Variants in ACAP2 observed in about 807,000 individuals in gnomAD.
ACAP2 encodes arf-GAP with coiled-coil, ANK repeat and PH domain-containing protein 2.
Under a neutral mutation model 115.8 loss-of-function variants are expected in ACAP2, and 39 were observed. That is an observed-to-expected ratio of 0.34 (90% CI 0.26 to 0.44). The LOEUF (loss-of-function observed/expected upper bound fraction) is 0.44. Among genes scored for constraint, ACAP2 ranks in the 20% least tolerant of loss-of-function variants. The pLI is 1.00. For missense variants in ACAP2, 662 were observed against 927.6 expected (o/e 0.71, Z 3.72); for synonymous variants, 289 against 315.8 (o/e 0.92, Z 0.90).
chr3:195,322,041 T>C (rs1037258728), intron 9 of ACAP2, among the ~76,000 whole-genome samples: 1 of 152,224 alleles, frequency 6.6e-6, no homozygotes, highest in African/African-American at 2.4e-5. Context: ...ATGAGTACTA[T>C]GAAATCACTC....
chr3:195,337,490 G>A (rs529440667), intron 6 of ACAP2, among the ~76,000 whole-genome samples: 3 of 137,668 alleles, frequency 2.2e-5, no homozygotes, highest in African/African-American at 8.4e-5. Context: ...CTCTTATTGC[G>A]CAGGCTGCAG....
In ACAP2 at chr3:195,392,139, A is replaced by G; in HGVS notation, c.62T>C (p.Leu21Ser). The change falls in exon 2 of 23, where the codon TTG becomes TCG. Residue 21 changes from leucine to serine, a missense_variant. Leu to Ser is a moderately radical substitution (Grantham distance 145, BLOSUM62 -2). Transcript: ENST00000326793. ...TGCCACATCACCTTCTACTTCTTCC[A>G]AAGCTGCCCTAGAAAAATTAAATAT... ...LKDSPRFRAA[L>S]EEVEGDVAEL... 1 of 1,612,198 alleles carries G rather than the reference A, an allele frequency of 6.2e-7. No homozygotes were observed. The highest frequency in any genetic ancestry group is 8.5e-7 in the Non-Finnish European group (1 of 1,179,040).
At chr3:195,424,049 C>T (rs1714410151) in intron 1 of ACAP2, among the ~76,000 whole-genome samples, 1 of 151,734 alleles carries the variant, frequency 6.6e-6, no homozygotes. Context: ...CATAGTTTAC[C>T]AACTCCTGGC....
intron 4 of ACAP2, among the ~76,000 whole-genome samples, chr3:195,354,688 TC>T (rs1731839337): frequency 6.6e-6 from 1 of 152,226 alleles, no homozygotes; most frequent in Admixed American, 6.5e-5. Context: ...ATCCCATTTG[TC>T]AATTTTTGCT....
intron 9 of ACAP2, among the ~76,000 whole-genome samples, chr3:195,321,504 T>C (rs1346324359): frequency 6.6e-6 from 1 of 151,676 alleles, no homozygotes; most frequent in South Asian, 2.1e-4. Context: ...ATCACAACAT[T>C]TTATGGTGAT....
chr3:195,284,039 G>C (rs1726681373), intron 22 of ACAP2, among the ~76,000 whole-genome samples: 1 of 152,172 alleles, frequency 6.6e-6, no homozygotes, highest in Non-Finnish European at 1.5e-5. Flanking sequence ...GGTGGAACTA[G>C]AAGTGGCAAG....
chr3:195,440,274 A>T (rs1715899991), intron 1 of ACAP2, among the ~76,000 whole-genome samples: 1 of 152,260 alleles, frequency 6.6e-6, no homozygotes, highest in Non-Finnish European at 1.5e-5. Flanking sequence ...GGGATGTAAA[A>T]GTAACCATTG....
intron 1 of ACAP2, among the ~76,000 whole-genome samples, chr3:195,432,973 CT>C (rs1310956672): frequency 6.6e-6 from 1 of 152,068 alleles, no homozygotes; most frequent in African/African-American, 2.4e-5. Context: ...GTACATTGAT[CT>C]TATAGACTAC....
chr3:195,377,310 A>G (rs2108742926), intron 4 of ACAP2, among the ~76,000 whole-genome samples: 1 of 151,838 alleles, frequency 6.6e-6, no homozygotes, highest in Non-Finnish European at 1.5e-5. Context: ...ACACCCAGCT[A>G]ATTTTTCTAT....
intron 1 of ACAP2, among the ~76,000 whole-genome samples, chr3:195,435,363 C>G (rs555311452): frequency 1.3e-5 from 2 of 151,754 alleles, no homozygotes; most frequent in African/African-American, 4.8e-5. Context: ...TTAGTAGAGA[C>G]GGGGTTTCAC....
At chr3:195,387,735 C>T (rs1046258307) in intron 2 of ACAP2, among the ~76,000 whole-genome samples, 1 of 152,180 alleles carries the variant, frequency 6.6e-6, no homozygotes, top group African/African-American at 2.4e-5. Context: ...GGATTACAGG[C>T]GTGAGCCACC....
chr3:195,431,911 C>T (rs950773607), intron 1 of ACAP2, among the ~76,000 whole-genome samples: 10 of 152,046 alleles, frequency 6.6e-5, no homozygotes, highest in African/African-American at 2.2e-4. Context: ...GGTATGAAGT[C>T]GTATCTCACC....
intron 4 of ACAP2, among the ~76,000 whole-genome samples, chr3:195,374,250 C>T (rs1287372847): frequency 6.6e-6 from 1 of 151,922 alleles, no homozygotes; most frequent in East Asian, 1.9e-4. Flanking sequence ...ATTAGCCAGG[C>T]GTGGTGGCAA....
chr3:195,342,342 C>G, intron 6 of ACAP2, 129 bp downstream of exon 6: 2 of 886,364 alleles, frequency 2.3e-6, no homozygotes, highest in Non-Finnish European at 3.2e-6. Context: ...GGAAATTTTC[C>G]ACCTAAGATT....
intron 9 of ACAP2, among the ~76,000 whole-genome samples, chr3:195,322,805 A>G (rs925735042): frequency 6.6e-6 from 1 of 152,232 alleles, no homozygotes; most frequent in Non-Finnish European, 1.5e-5. Flanking sequence ...GCAGGGCATT[A>G]CAAGTGTTTC....
chr3:195,426,634 C>CT (rs1714704049), intron 1 of ACAP2, among the ~76,000 whole-genome samples: 1 of 152,108 alleles, frequency 6.6e-6, no homozygotes, highest in African/African-American at 2.4e-5. Context: ...GCTAGTTCTA[C>CT]TCTTCCCCTT....
intron 1 of ACAP2, among the ~76,000 whole-genome samples, chr3:195,420,523 T>C (rs552962170): frequency 4.6e-5 from 7 of 152,054 alleles, no homozygotes; most frequent in Non-Finnish European, 1.0e-4. Context: ...TAATTTTTTG[T>C]ACTTTTAGTA....
At chr3:195,354,681 C>T (rs569665390) in intron 4 of ACAP2, among the ~76,000 whole-genome samples, 2 of 152,296 alleles carry the variant, frequency 1.3e-5, no homozygotes, top group South Asian at 4.1e-4. Flanking sequence ...TAATTAGATC[C>T]CATTTGTCAA....
chr3:195,432,738 CAT>C (rs1715231510), intron 1 of ACAP2, among the ~76,000 whole-genome samples: 1 of 152,178 alleles, frequency 6.6e-6, no homozygotes, highest in African/African-American at 2.4e-5. Flanking sequence ...TTGGAATTTT[CAT>C]AGAGATTGCG....
Sources: gnomAD v4.1 joint callset for allele counts (sites outside exome capture counted in the v4.1 genomes callset) on GRCh38, gnomAD v4.1.1 for gene constraint, MANE v1.5 for transcripts, NCBI Gene and HGNC (gene_info 2026-07-23, HGNC 2026-07-21) for gene names.